Variants in CMTR1 observed in about 807,000 individuals in gnomAD.
CMTR1 encodes the protein cap methyltransferase 1, also known as cap-specific mRNA (nucleoside-2'-O-)-methyltransferase 1.
Under a neutral mutation model 107.0 loss-of-function variants are expected in CMTR1, and 39 were observed. The observed-to-expected ratio is 0.36, with a 90% CI of 0.28 to 0.48. CMTR1 has a LOEUF of 0.48. Ranked by LOEUF, CMTR1 falls within the 20% of genes least tolerant of loss-of-function variation. The probability of loss-of-function intolerance (pLI) is 0.99; values close to 1 mark genes in which losing one functional copy is unlikely to be tolerated. For missense variants in CMTR1, 672 were observed against 1,064.9 expected (o/e 0.63, Z 5.14); for synonymous variants, 366 against 379.5 (o/e 0.96, Z 0.41).
intron 12 of CMTR1, 56 bp downstream of exon 12, chr6:37,462,158 A>C (rs1761414290): frequency 1.9e-6 from 3 of 1,597,192 alleles, no homozygotes; most frequent in Non-Finnish European, 2.6e-6. Flanking sequence ...CAGAACAGCA[A>C]ATCATGGTGC....
At chr6:37,452,251 T>G (rs1761195320) in intron 6 of CMTR1, among the ~76,000 whole-genome samples, 1 of 152,208 alleles carries the variant, frequency 6.6e-6, no homozygotes, top group Non-Finnish European at 1.5e-5. Flanking sequence ...GTGGTTTTAC[T>G]CTCTCTGAGT....
Position 37,462,940 on chromosome 6 carries a change from G to T in CMTR1, c.1437G>T (p.Leu479Phe), listed in dbSNP as rs768061519. 5.6e-6 allele frequency: 9 copies of T among 1,614,082 alleles called. No individual in the cohort carries two copies. In the African/African-American group the frequency reaches 1.1e-4, roughly 19 times the overall value. ...QLRNTDSDVN[L>F]VVPLEVIKGD... is the part of the protein sequence containing the mutation. ...GGAACACGGATTCCGACGTCAACTT[G>T]GTGGTCCCCCTGGAGGTGATCAAGG... is the stretch of plus-strand genomic sequence containing the variant. The change falls in exon 13 of 24, where the codon TTG (leucine) becomes TTT (phenylalanine). Residue 479 changes from leucine to phenylalanine, a missense_variant. By Grantham distance (22) the Leu-to-Phe change is conservative (BLOSUM62 0). This residue lies in a region of CMTR1 where 583 missense variants were observed against 968.4 expected (regional missense o/e 0.60). Transcript: ENST00000373451.
At chr6:37,475,254 T>G (rs951264437) in intron 18 of CMTR1, 67 bp from the exon 19 acceptor site, 1 of 1,230,952 alleles carries the variant, frequency 8.1e-7, no homozygotes, top group African/African-American at 1.5e-5. Context: ...CAGCATGCCA[T>G]GGTGGGTAGT....
At chr6:37,460,178 G>A (rs1274774131) in intron 10 of CMTR1, among the ~76,000 whole-genome samples, 3 of 152,256 alleles carry the variant, frequency 2.0e-5, no homozygotes, top group Non-Finnish European at 4.4e-5. Flanking sequence ...TTACTCTAGA[G>A]GAAGGACAGA....
intron 2 of CMTR1, among the ~76,000 whole-genome samples, chr6:37,438,732 C>T (rs1771594805): frequency 6.6e-6 from 1 of 152,206 alleles, no homozygotes; most frequent in Non-Finnish European, 1.5e-5. Flanking sequence ...TGCCTGTCTC[C>T]TCCAGTCTGC....
chr6:37,435,943 G>A (rs1364121337), intron 2 of CMTR1, among the ~76,000 whole-genome samples, 181 bp downstream of exon 2: 2 of 152,236 alleles, frequency 1.3e-5, no homozygotes, highest in South Asian at 4.1e-4. Flanking sequence ...CCTACTAAGA[G>A]TGGGGAAACT....
In CMTR1 at chr6:37,474,613, A is replaced by C. The variant is rs749091231; in HGVS notation, c.1911A>C (p.Leu637=). Residue 637 remains leucine (L), a synonymous_variant, in exon 18 of 24, where the codon CTA becomes CTC. Coordinates refer to ENST00000373451, the MANE Select transcript of CMTR1 (RefSeq NM_015050.3). ...LKTELPRDTL[L]SVEIVHELKG... ...CAGAGCTGCCCCGGGACACTCTGCT[A>C]TCTGTGGAAATTGTGCATGAGCTGA... 3.1e-6 allele frequency: 5 copies of C among 1,614,016 alleles called. No individual in the cohort carries two copies. The East Asian group carries it at 6.7e-5, about 22-fold the overall frequency.
At chr6:37,466,361 C>T (rs1310151249) in intron 13 of CMTR1, among the ~76,000 whole-genome samples, 1 of 152,064 alleles carries the variant, frequency 6.6e-6, no homozygotes, top group Non-Finnish European at 1.5e-5. Flanking sequence ...GTCTCAATCT[C>T]TTGACTTCGT....
chr6:37,463,032 C>T (rs746943496), intron 13 of CMTR1, 24 bp downstream of exon 13: 1 of 1,608,844 alleles, frequency 6.2e-7, no homozygotes, highest in Non-Finnish European at 8.5e-7. Flanking sequence ...CTGGTTTTTG[C>T]TGGTAACACT....
Position 37,439,406 on chromosome 6 carries a change from C to G in CMTR1, c.133+3644C>G, listed in dbSNP as rs997890917. ...TCCTTAGCTGTGCATCTGGTGTAGGCTCCTAGCCCTGCTGCAGCCAGTTGC... is the reference window on the plus strand; with the variant it reads ...TCCTTAGCTGTGCATCTGGTGTAGGGTCCTAGCCCTGCTGCAGCCAGTTGC... On this transcript the variant is annotated intron_variant, in intron 2 of 23. Transcript: ENST00000373451. 3.3e-5 allele frequency among the ~76,000 whole-genome samples: 5 copies of G among 152,242 alleles called. No homozygotes were observed. The South Asian group carries it at 6.2e-4, about 19-fold the overall frequency.
chr6:37,476,105 G>C, intron 19 of CMTR1, 21 bp from the exon 20 acceptor site: 1 of 1,613,926 alleles, frequency 6.2e-7, no homozygotes, highest in South Asian at 1.1e-5. Context: ...TTGCCTCTCA[G>C]AGAGACTGTT....
rs939222997 is a variant in CMTR1 at position 37,451,775 on chromosome 6, G to T, written c.538-31G>T. 5.8e-6 allele frequency: 9 copies of T among 1,551,516 alleles called. No homozygotes were observed. The African/African-American group carries it at 1.1e-4, about 19-fold the overall frequency. On this transcript the variant is annotated intron_variant, in intron 5 of 23. Transcript: ENST00000373451. ...TCCCCGACAATTGCAGTCACACGTG[G>T]TCATTACTTACTGCTTTTTTCTCCC... is the stretch of plus-strand genomic sequence containing the variant.
In CMTR1 at chr6:37,477,558, A is replaced by G. The variant is rs370649366; in HGVS notation, c.2106-34A>G. 11 of 1,594,598 alleles carry G rather than the reference A, an allele frequency of 6.9e-6. No individual in the cohort carries two copies. In the African/African-American group the frequency reaches 1.2e-4, roughly 18 times the overall value. On this transcript the variant is annotated intron_variant, in intron 20 of 23. Coordinates refer to ENST00000373451, the MANE Select transcript of CMTR1 (RefSeq NM_015050.3). ...TCCTGGATGAGAATGTCCCCCAGGA[A>G]GCCTTTGTCTTGTCTCTGTCCCTCT... is the stretch of plus-strand genomic sequence containing the variant.
At chr6:37,477,729 C>A in intron 21 of CMTR1, 90 bp downstream of exon 21, 1 of 396,938 alleles carries the variant, frequency 2.5e-6, no homozygotes, top group Non-Finnish European at 4.3e-6. Context: ...TAAGATGGGT[C>A]GGGGGCGGGG....
intron 21 of CMTR1, 143 bp downstream of exon 21, chr6:37,477,782 C>T (rs556060569): frequency 1.1e-4 from 83 of 727,236 alleles, no homozygotes; most frequent in Non-Finnish European, 1.3e-4. Flanking sequence ...TCATCTGCCT[C>T]GCTGCAGCAC....
chr6:37,475,935 G>A (rs1397192411), intron 19 of CMTR1, 191 bp from the exon 20 acceptor site: 4 of 596,780 alleles, frequency 6.7e-6, no homozygotes, highest in African/African-American at 1.9e-5. Flanking sequence ...CCACAGGGGC[G>A]GGGCATGAAT....
intron 8 of CMTR1, 101 bp downstream of exon 8, chr6:37,453,413 C>A: frequency 9.1e-7 from 1 of 1,101,954 alleles, no homozygotes; most frequent in Non-Finnish European, 1.4e-6. Context: ...AGTATTCTGA[C>A]TGTGTGATGG....
chr6:37,477,592 G>A lies in CMTR1; in HGVS notation c.2106G>A (p.Arg702=), dbSNP rs1291798313. Residue 702 remains arginine (R), a splice_region_variant and synonymous_variant, in exon 21 of 24, where the codon AGG becomes AGA. Transcript: ENST00000373451. Reference sequence around the variant, plus strand: ...CTTGTCTCTGTCCCTCTACCTGCAGGGTGAAGGAGGTGTACAGACTGGAAG... The same window carrying A: ...CTTGTCTCTGTCCCTCTACCTGCAGAGTGAAGGAGGTGTACAGACTGGAAG... ...KPSRPDMNPI[R]VKEVYRLEEM... is the part of the protein sequence containing the mutation. The A allele has an allele frequency of 6.2e-7, 1 of 1,613,746 alleles. No individual in the cohort carries two copies. Among genetic ancestry groups the A allele is most frequent in the East Asian group, 2.2e-5 (1 of 44,868 alleles).
rs1761641231 is a variant in CMTR1, at chr6:37,472,132, G to A, written c.1620+228G>A. ...GTCAGAAAGGACTAAGGGGTGGGGT[G>A]TGGGGAGGTGGGCCGGTGTCAGTTT... On this transcript the variant is annotated intron_variant, in intron 15 of 23. Transcript: ENST00000373451. The surrounding 1 kb of genome is among the most constrained non-coding windows in gnomAD (Gnocchi z 4.1). 1.3e-5 allele frequency among the ~76,000 whole-genome samples: 2 copies of A among 152,206 alleles called. No homozygotes were observed. Among genetic ancestry groups the A allele is most frequent in the Admixed American group, 6.5e-5 (1 of 15,284 alleles).
Sources: allele counts gnomAD v4.1 joint callset (sites outside exome capture counted in the v4.1 genomes callset), GRCh38; gene constraint gnomAD v4.1.1; regional missense constraint gnomAD v4.1.1; non-coding constraint Gnocchi (gnomAD v3.1); transcripts MANE v1.5; gene names NCBI Gene and HGNC (gene_info 2026-07-23, HGNC 2026-07-21).